Variants in EYS observed in about 807,000 individuals in gnomAD.
EYS encodes the protein EGF-like photoreceptor maintenance factor, also known as protein eyes shut homolog.
A neutral mutation model predicts 282.1 loss-of-function variants in EYS; 250 were observed. The observed-to-expected ratio is 0.89, with a 90% CI of 0.80 to 0.98. The LOEUF (loss-of-function observed/expected upper bound fraction) is 0.98. EYS is among the 50% of genes least tolerant of loss of function. EYS has a pLI of 0.00. For synonymous variants in EYS, 1,355 were observed against 1,282.9 expected (o/e 1.06, Z -1.20); for missense variants, 4,016 against 3,709.0 (o/e 1.08, Z -2.15).
chr6:63,721,224 CTG>C lies in EYS; in HGVS notation c.8805_8806del (p.Tyr2935Ter), dbSNP rs1561993866. 1 of 1,551,736 alleles carries C rather than the reference CTG, an allele frequency of 6.4e-7. No homozygotes were observed. The highest frequency in any genetic ancestry group is 8.7e-7 in the Non-Finnish European group (1 of 1,146,956). On this transcript the variant is annotated stop_gained and frameshift_variant, in exon 43 of 43. Coordinates refer to ENST00000503581, the MANE Select transcript of EYS (RefSeq NM_001142800.2). LOFTEE classifies it high-confidence loss of function. ...CACCCAACCCAAAGTACACAGGCAA[CTG>C]TAAGAAAATGATTGGTCAGGTATAC... is the stretch of plus-strand genomic sequence containing the variant.
At chr6:65,234,275 C>G (rs979736062) in intron 12 of EYS, among the ~76,000 whole-genome samples, 2 of 152,002 alleles carry the variant, frequency 1.3e-5, no homozygotes, top group African/African-American at 4.8e-5. Context: ...AAGTGGTACT[C>G]CGGCTCTAAG....
At chr6:65,113,329 ACAAT>A (rs1775270280) in intron 12 of EYS, among the ~76,000 whole-genome samples, 1 of 152,054 alleles carries the variant, frequency 6.6e-6, no homozygotes, top group African/African-American at 2.4e-5. Context: ...TGAGAAATTG[ACAAT>A]CTATATGATG....
At chr6:64,647,051 A>G (rs565771040) in intron 22 of EYS, among the ~76,000 whole-genome samples, 7 of 152,258 alleles carry the variant, frequency 4.6e-5, no homozygotes, top group Non-Finnish European at 8.8e-5. Flanking sequence ...CCAACTTATA[A>G]AAGAAACCAC....
chr6:65,495,363 G>A lies in EYS; in HGVS notation c.48C>T (p.Ser16=), dbSNP rs1766219089. The part of the protein sequence containing the change: ...IVILSLMVFH[S]SFINGKTCRR... ...TACATGTTTTTCCATTTATGAAAGA[G>A]CTGTGAAAAACCATCAGGCTCAGAA... The change falls in exon 4 of 43, where the codon AGC becomes AGT. Residue 16 remains serine (S), a synonymous_variant. Transcript: ENST00000503581. The A allele has an allele frequency of 1.9e-6, 3 of 1,613,110 alleles. No individual in the cohort carries two copies. The highest frequency in any genetic ancestry group is 2.5e-6 in the Non-Finnish European group (3 of 1,179,954).
Position 65,589,933 on chromosome 6 carries a change from A to T in EYS, c.-333+49845T>A, listed in dbSNP as rs180830687. 1.1e-4 allele frequency among the ~76,000 whole-genome samples: 17 copies of T among 152,102 alleles called. 1 individual carries two copies. The East Asian group carries it at 3.1e-3, about 28-fold the overall frequency. ...TATAATTGTTAAATATGTCTTTATA[A>T]TGTCTACAATTGTTAAATATATCTT... is the stretch of plus-strand genomic sequence containing the variant. On this transcript the variant is annotated intron_variant, in intron 2 of 42. Transcript: ENST00000503581.
intron 22 of EYS, among the ~76,000 whole-genome samples, chr6:64,741,707 A>T (rs548310415): frequency 6.6e-6 from 1 of 152,348 alleles, no homozygotes; most frequent in African/African-American, 2.4e-5. Context: ...ATGTTATGGA[A>T]ATGGCTTTTT....
intron 12 of EYS, among the ~76,000 whole-genome samples, chr6:65,091,135 T>C (rs1774545177): frequency 6.6e-6 from 1 of 151,810 alleles, no homozygotes. Flanking sequence ...TCAGTTTGTA[T>C]TATAAATTTT....
At chr6:65,452,247 T>C (rs183076024) in intron 5 of EYS, among the ~76,000 whole-genome samples, 1 of 151,858 alleles carries the variant, frequency 6.6e-6, no homozygotes, top group African/African-American at 2.4e-5. Context: ...GATATTTTTA[T>C]CATTTTTATA....
intron 26 of EYS, among the ~76,000 whole-genome samples, chr6:64,519,114 T>C (rs1462239614): frequency 2.0e-5 from 3 of 151,868 alleles, no homozygotes; most frequent in Middle Eastern, 3.4e-3. Flanking sequence ...GAGGCTATGA[T>C]ACTGGGTAGG....
chr6:64,095,075 T>G (rs1772540138), intron 31 of EYS, among the ~76,000 whole-genome samples: 1 of 152,216 alleles, frequency 6.6e-6, no homozygotes. Flanking sequence ...TGAGTGAGTT[T>G]CTTAATCCTG....
At chr6:65,242,198 T>C (rs1767073774) in intron 12 of EYS, among the ~76,000 whole-genome samples, 1 of 152,108 alleles carries the variant, frequency 6.6e-6, no homozygotes, top group African/African-American at 2.4e-5. Context: ...GTGATTTTAG[T>C]ATATTTAGAA....
intron 31 of EYS, among the ~76,000 whole-genome samples, chr6:64,176,211 G>A (rs1324723738): frequency 2.0e-5 from 3 of 152,022 alleles, no homozygotes; most frequent in African/African-American, 4.8e-5. Context: ...GGGGCTTAGA[G>A]GACTGTGCAA....
intron 36 of EYS, among the ~76,000 whole-genome samples, chr6:63,863,954 G>T (rs555014009): frequency 6.6e-6 from 1 of 152,092 alleles, no homozygotes; most frequent in South Asian, 2.1e-4. Flanking sequence ...GATTACAGGC[G>T]TGAGCCACTG....
intron 26 of EYS, among the ~76,000 whole-genome samples, chr6:64,453,905 C>T (rs1322361123): frequency 1.3e-5 from 2 of 151,888 alleles, no homozygotes; most frequent in Non-Finnish European, 1.5e-5. Context: ...ATACCTAATG[C>T]TAAATGACGA....
chr6:64,386,615 A>G (rs1772919193), intron 29 of EYS, among the ~76,000 whole-genome samples: 2 of 152,308 alleles, frequency 1.3e-5, no homozygotes, highest in African/African-American at 4.8e-5. Context: ...CTCAAATGCA[A>G]TGATAAACCT....
intron 5 of EYS, among the ~76,000 whole-genome samples, chr6:65,479,889 C>T (rs1765545246): frequency 6.6e-6 from 1 of 151,784 alleles, no homozygotes; most frequent in Non-Finnish European, 1.5e-5. Context: ...GGTGTGGTGG[C>T]TCACACCTGT....
In EYS at chr6:63,721,200, AC is replaced by A. The variant is rs776526721; in HGVS notation, c.8830del (p.Val2944TrpfsTer31). On this transcript the variant is annotated frameshift_variant, in exon 43 of 43. Coordinates refer to ENST00000503581, the MANE Select transcript of EYS (RefSeq NM_001142800.2). LOFTEE classifies it high-confidence loss of function. ...AGTTTTGTTTTCACAATACCTTCCC[AC>A]CCAACCCAAAGTACACAGGCAACTG... ...SYSCLCTLGWVGRYCENKTSF... is the reference protein window; with the variant it reads ...SYSCLCTLGWXGRYCENKTSF... 7.7e-6 allele frequency: 12 copies of A among 1,551,712 alleles called. No individual in the cohort carries two copies. The South Asian group carries it at 1.3e-4, about 17-fold the overall frequency.
chr6:63,935,065 T>G (rs1396814441), intron 35 of EYS, among the ~76,000 whole-genome samples: 1 of 152,226 alleles, frequency 6.6e-6, no homozygotes, highest in Non-Finnish European at 1.5e-5. Context: ...TGTGTTTACA[T>G]CTATATTTAA....
intron 12 of EYS, among the ~76,000 whole-genome samples, chr6:65,086,141 C>T (rs1025803113): frequency 1.3e-5 from 2 of 151,584 alleles, no homozygotes; most frequent in Admixed American, 6.6e-5. Flanking sequence ...CATGGTGAAA[C>T]CCCGTATCTA....
Sources: gnomAD v4.1 joint callset for allele counts (sites outside exome capture counted in the v4.1 genomes callset) on GRCh38, gnomAD v4.1.1 for gene constraint, MANE v1.5 for transcripts, NCBI Gene and HGNC (gene_info 2026-07-23, HGNC 2026-07-21) for gene names.